Variants in CSMD3 observed in about 807,000 individuals in gnomAD.
The protein encoded by CSMD3 is CUB and Sushi multiple domains 3.
Under a neutral mutation model 435.2 loss-of-function variants are expected in CSMD3, and 177 were observed. That is an observed-to-expected ratio of 0.41 (90% confidence interval 0.36 to 0.46). CSMD3 has a LOEUF of 0.46. Among genes scored for constraint, CSMD3 ranks in the 20% least tolerant of loss-of-function variants. The pLI is 0.34. For missense variants in CSMD3, 4,265 were observed against 4,504.6 expected (o/e 0.95, Z 1.52); for synonymous variants, 1,656 against 1,520.5 (o/e 1.09, Z -2.07).
chr8:112,635,447 T>C (rs2074630373), intron 22 of CSMD3, among the ~76,000 whole-genome samples: 1 of 151,828 alleles, frequency 6.6e-6, no homozygotes. Flanking sequence ...ATTGGCATAA[T>C]GAAGTAAAGT....
chr8:113,192,976 T>C (rs764082002), intron 3 of CSMD3, among the ~76,000 whole-genome samples: 9 of 151,594 alleles, frequency 5.9e-5, no homozygotes, highest in Non-Finnish European at 1.0e-4. Flanking sequence ...CTTTACTGTG[T>C]AGTGATTGTC....
intron 12 of CSMD3, among the ~76,000 whole-genome samples, chr8:112,814,890 G>T (rs1217823447): frequency 6.6e-6 from 1 of 151,898 alleles, no homozygotes; most frequent in African/African-American, 2.4e-5. Flanking sequence ...ATCACTCAAG[G>T]CCTTTGGATG....
chr8:113,249,005 C>T lies in CSMD3; in HGVS notation c.514+29587G>A, dbSNP rs183101926. 3.0e-3 allele frequency among the ~76,000 whole-genome samples: 453 copies of T among 152,120 alleles called. 2 individuals carry two copies. Among genetic ancestry groups the T allele is most frequent in the Admixed American group, 4.3e-3 (66 of 15,252 alleles). On this transcript the variant is annotated intron_variant, in intron 3 of 70. Coordinates refer to ENST00000297405, the MANE Select transcript of CSMD3 (RefSeq NM_198123.2). ...TCACTTTGAATTGTAATAATCCCCA[C>T]GTGTCAAGGGTAGGACCAGATAGAC...
In CSMD3 at chr8:112,722,460, C is replaced by T. The variant is rs187055730; in HGVS notation, c.1973-32410G>A. Among the ~76,000 whole-genome samples, 20 of 152,160 alleles carry T rather than the reference C, an allele frequency of 1.3e-4. No individual in the cohort carries two copies. In the East Asian group the frequency reaches 3.1e-3, roughly 24 times the overall value. On this transcript the variant is annotated intron_variant, in intron 13 of 70. Coordinates refer to ENST00000297405, the MANE Select transcript of CSMD3 (RefSeq NM_198123.2). ...CGATTAGAAGATGCTTATGTATTTACGGGTGAAAGCACGTGGTATTTGCAC... is the reference window on the plus strand; with the variant it reads ...CGATTAGAAGATGCTTATGTATTTATGGGTGAAAGCACGTGGTATTTGCAC...
At chr8:112,470,986 A>C (rs1388066426) in intron 32 of CSMD3, among the ~76,000 whole-genome samples, 1 of 152,168 alleles carries the variant, frequency 6.6e-6, no homozygotes, top group Non-Finnish European at 1.5e-5. Flanking sequence ...AAGAGGATTA[A>C]ATTCAACTTA....
At chr8:112,597,028 G>T (rs527363084) in intron 22 of CSMD3, among the ~76,000 whole-genome samples, 1 of 152,260 alleles carries the variant, frequency 6.6e-6, no homozygotes, top group South Asian at 2.1e-4. Flanking sequence ...GAGCACAACT[G>T]AAGGAAATAG....
chr8:113,080,052 C>G (rs553292481), intron 5 of CSMD3, among the ~76,000 whole-genome samples: 1 of 152,188 alleles, frequency 6.6e-6, no homozygotes, highest in East Asian at 1.9e-4. Flanking sequence ...ACTCATCTCT[C>G]TCTTAGGGGA....
intron 3 of CSMD3, among the ~76,000 whole-genome samples, chr8:113,246,122 T>C (rs1050798575): frequency 3.9e-5 from 6 of 151,994 alleles, no homozygotes; most frequent in African/African-American, 1.2e-4. Flanking sequence ...AGATTCTTAA[T>C]AGAATTCAGA....
chr8:112,699,182 G>T (rs778693633), intron 13 of CSMD3, among the ~76,000 whole-genome samples: 2 of 152,044 alleles, frequency 1.3e-5, no homozygotes, highest in African/African-American at 2.4e-5. Context: ...TCTTGCTGCT[G>T]CTCACTCTTC....
chr8:113,165,776 T>C (rs1376456817), intron 4 of CSMD3, among the ~76,000 whole-genome samples: 1 of 151,620 alleles, frequency 6.6e-6, no homozygotes, highest in Non-Finnish European at 1.5e-5. Context: ...AACAATAGAG[T>C]AAACCAACAA....
intron 11 of CSMD3, among the ~76,000 whole-genome samples, chr8:112,844,163 A>T (rs990149508): frequency 1.3e-5 from 2 of 152,024 alleles, no homozygotes; most frequent in Non-Finnish European, 2.9e-5. Context: ...TGCCTGTCAC[A>T]TACACTCAAT....
At chr8:112,591,865 G>C (rs4486235) in intron 22 of CSMD3, among the ~76,000 whole-genome samples, 5 of 151,466 alleles carry the variant, frequency 3.3e-5, no homozygotes, top group Admixed American at 2.6e-4. Flanking sequence ...AGCCCATTAT[G>C]TTCCAAATAT....
intron 14 of CSMD3, among the ~76,000 whole-genome samples, chr8:112,689,661 T>C (rs1341165915): frequency 2.0e-5 from 3 of 152,088 alleles, no homozygotes; most frequent in Non-Finnish European, 4.4e-5. Flanking sequence ...TATTTTGCCA[T>C]TACCAAGTGA....
intron 13 of CSMD3, among the ~76,000 whole-genome samples, chr8:112,768,673 C>T (rs1587233922): frequency 6.6e-6 from 1 of 151,896 alleles, no homozygotes; most frequent in Non-Finnish European, 1.5e-5. Context: ...AGACTTTCCA[C>T]ATCAACATGA....
intron 68 of CSMD3, 45 bp from the exon 69 acceptor site, chr8:112,231,677 G>T (rs1813100938): frequency 7.3e-6 from 8 of 1,090,984 alleles, no homozygotes; most frequent in Non-Finnish European, 1.1e-5. Context: ...ACTGGCCATA[G>T]CTATATTTTC....
intron 1 of CSMD3, among the ~76,000 whole-genome samples, chr8:113,371,409 C>T (rs1382129569): frequency 1.3e-5 from 2 of 151,998 alleles, no homozygotes; most frequent in East Asian, 3.9e-4. Context: ...CTGTGCAGTA[C>T]CTGTACATAT....
chr8:113,199,417 T>C (rs908459689), intron 3 of CSMD3, among the ~76,000 whole-genome samples: 1 of 151,824 alleles, frequency 6.6e-6, no homozygotes, highest in African/African-American at 2.4e-5. Flanking sequence ...GTCTGCATTT[T>C]TGGATTGGCA....
At chr8:112,361,821 G>A (rs1397640622) in intron 38 of CSMD3, among the ~76,000 whole-genome samples, 1 of 151,406 alleles carries the variant, frequency 6.6e-6, no homozygotes, top group Non-Finnish European at 1.5e-5. Context: ...TTGCATTTAT[G>A]TGAGAAAGAA....
At position 112,564,057 on chromosome 8, in the gene CSMD3, A is replaced by G. The variant is rs527674805; in HGVS notation, c.4043-7103T>C. On this transcript the variant is annotated intron_variant, in intron 24 of 70. Transcript: ENST00000297405. ...AAAAAAGAATTTTTCATTTCTTAAT[A>G]CCTATCAAGTTAAGCATTTTTTTAT... 1.6e-4 allele frequency among the ~76,000 whole-genome samples: 25 copies of G among 152,044 alleles called. No homozygotes were observed. The Middle Eastern group carries it at 0.01, about 62-fold the overall frequency.
Sources: allele counts gnomAD v4.1 joint callset (sites outside exome capture counted in the v4.1 genomes callset), GRCh38; gene constraint gnomAD v4.1.1; transcripts MANE v1.5; gene names NCBI Gene and HGNC (gene_info 2026-07-23, HGNC 2026-07-21).